Variants in USP48 observed in about 807,000 individuals in gnomAD.
USP48 encodes ubiquitin carboxyl-terminal hydrolase 48.
Under a neutral mutation model 150.7 loss-of-function variants are expected in USP48, and 43 were observed. That is an observed-to-expected ratio of 0.29 (90% CI 0.22 to 0.37). The LOEUF (loss-of-function observed/expected upper bound fraction) is 0.37, where lower values mean the gene tolerates loss of function less well. USP48 is among the 10% of genes least tolerant of loss of function. The pLI is 1.00. For missense variants in USP48, 813 were observed against 1,249.6 expected (o/e 0.65, Z 5.27); for synonymous variants, 396 against 425.9 (o/e 0.93, Z 0.86).
intron 25 of USP48, among the ~76,000 whole-genome samples, chr1:21,683,498 C>A (rs2097572353): frequency 6.6e-6 from 1 of 152,132 alleles, no homozygotes; most frequent in African/African-American, 2.4e-5. Flanking sequence ...AATCCACCCA[C>A]CTCAGCCTCC....
chr1:21,757,206 A>C (rs1007621077), intron 2 of USP48, among the ~76,000 whole-genome samples: 7 of 152,116 alleles, frequency 4.6e-5, no homozygotes, highest in Admixed American at 3.9e-4. Context: ...ATTTTATTAA[A>C]ATATCTATAT....
At chr1:21,723,529 G>T (rs1209248780) in intron 12 of USP48, among the ~76,000 whole-genome samples, 2 of 144,482 alleles carry the variant, frequency 1.4e-5, no homozygotes, top group Middle Eastern at 3.2e-3. Context: ...AAAAAAAAAA[G>T]AAGTCACCAT....
chr1:21,705,683 A>G (rs1032852753), intron 19 of USP48, 44 bp downstream of exon 19: 2 of 1,393,918 alleles, frequency 1.4e-6, no homozygotes, highest in African/African-American at 2.9e-5. Context: ...ATCATCAAAA[A>G]GAGAAAAGAA....
intron 25 of USP48, among the ~76,000 whole-genome samples, chr1:21,681,698 G>A (rs1278602207): frequency 6.6e-6 from 1 of 152,194 alleles, no homozygotes; most frequent in East Asian, 1.9e-4. Flanking sequence ...CCAGTCTCCA[G>A]CGCTGGCATT....
chr1:21,783,105 C>T lies in USP48; in HGVS notation c.-148G>A. ...TGGCCAGTCAATCACCTGTGCGCGC[C>T]ACTGCCGCCGCGCCCGCCCGCGCCC... On this transcript the variant is annotated 5_prime_UTR_variant, in exon 1 of 27. Transcript: ENST00000308271. 8.2e-7 allele frequency: 1 copy of T among 1,216,980 alleles called. No homozygotes were observed. The highest frequency in any genetic ancestry group is 1.1e-6 in the Non-Finnish European group (1 of 944,098). The allele number at this position is 1,216,980 out of a possible 1,614,324, so 75.4% of individuals were successfully genotyped here. A position where few individuals can be genotyped will look rare whatever the true frequency, so the allele number is the denominator to read the frequency against.
chr1:21,696,049 A>G (rs1291517989), intron 22 of USP48, among the ~76,000 whole-genome samples: 1 of 152,200 alleles, frequency 6.6e-6, no homozygotes, highest in East Asian at 1.9e-4. Flanking sequence ...TAGGGGATAT[A>G]TAAATAAATT....
chr1:21,683,719 T>C (rs1439655558), intron 25 of USP48, among the ~76,000 whole-genome samples: 3 of 152,222 alleles, frequency 2.0e-5, no homozygotes, highest in African/African-American at 7.2e-5. Context: ...ATCACCCTAC[T>C]GTACTACTGA....
chr1:21,729,453 G>A (rs753700079), intron 10 of USP48, among the ~76,000 whole-genome samples: 5 of 151,926 alleles, frequency 3.3e-5, no homozygotes, highest in Non-Finnish European at 5.9e-5. Flanking sequence ...TCTATAAACC[G>A]AACAAAATAA....
rs1031461606 is a variant in USP48, at chr1:21,738,461, A to G, written c.992-1836T>C. 1.3e-5 allele frequency among the ~76,000 whole-genome samples: 2 copies of G among 149,972 alleles called. 1 individual carries two copies. Among genetic ancestry groups the G allele is most frequent in the South Asian group, 4.2e-4 (2 of 4,768 alleles). ...ACCTCCGCCCCCCTGGGGTCATGCG[A>G]TTCTCTTGCCTCAACCTCCCAAGTA... On this transcript the variant is annotated intron_variant, in intron 8 of 26. Coordinates refer to ENST00000308271, the MANE Select transcript of USP48 (RefSeq NM_032236.8).
intron 25 of USP48, among the ~76,000 whole-genome samples, chr1:21,684,313 T>C (rs893534092): frequency 1.3e-5 from 2 of 152,220 alleles, no homozygotes; most frequent in African/African-American, 2.4e-5. Flanking sequence ...TTTTTGATAA[T>C]AGCCATGCTA....
chr1:21,767,886 C>G (rs897091913), intron 1 of USP48, among the ~76,000 whole-genome samples: 4 of 152,070 alleles, frequency 2.6e-5, no homozygotes, highest in African/African-American at 7.2e-5. Context: ...ATCAAGGTCT[C>G]ATAAATTAGA....
intron 1 of USP48, among the ~76,000 whole-genome samples, chr1:21,767,545 G>A (rs1012520789): frequency 6.6e-6 from 1 of 151,656 alleles, no homozygotes; most frequent in African/African-American, 2.4e-5. Context: ...GGCTGGTCTC[G>A]ATCTCCTAAC....
intron 1 of USP48, among the ~76,000 whole-genome samples, chr1:21,767,707 A>G (rs1389366411): frequency 6.6e-6 from 1 of 151,978 alleles, no homozygotes; most frequent in Non-Finnish European, 1.5e-5. Context: ...GTTTTTAAAG[A>G]AAAATTTTTT....
chr1:21,721,195 A>G (rs201028468), intron 13 of USP48, 29 bp from the exon 14 acceptor site: 32 of 1,611,536 alleles, frequency 2.0e-5, no homozygotes, highest in Non-Finnish European at 2.3e-5. Context: ...GTTAAATCAT[A>G]TAAGTAATAT....
chr1:21,742,458 C>T (rs1000961373), intron 8 of USP48, among the ~76,000 whole-genome samples: 1 of 151,442 alleles, frequency 6.6e-6, no homozygotes, highest in Non-Finnish European at 1.5e-5. Context: ...GCATGAGAAT[C>T]GCTTGAACCT....
chr1:21,685,037 T>C (rs888481579), intron 25 of USP48, among the ~76,000 whole-genome samples: 5 of 152,220 alleles, frequency 3.3e-5, no homozygotes, highest in African/African-American at 9.6e-5. Context: ...TGTGGTTCCA[T>C]ATGAATTTTA....
chr1:21,719,333 C>T (rs2097713381), intron 14 of USP48, among the ~76,000 whole-genome samples: 2 of 151,348 alleles, frequency 1.3e-5, no homozygotes, highest in Non-Finnish European at 2.9e-5. Flanking sequence ...AGTAAAAACT[C>T]TTCAAGTTTG....
At chr1:21,697,523 CTTG>C (rs1263761337) in intron 22 of USP48, among the ~76,000 whole-genome samples, 1 of 151,790 alleles carries the variant, frequency 6.6e-6, no homozygotes, top group Non-Finnish European at 1.5e-5. Context: ...ATTAGCCGGG[CTTG>C]GTGGTGGGCG....
intron 15 of USP48, among the ~76,000 whole-genome samples, chr1:21,712,098 C>T (rs2097691753): frequency 6.6e-6 from 1 of 152,200 alleles, no homozygotes; most frequent in African/African-American, 2.4e-5. Flanking sequence ...ATGGCTGACG[C>T]CTGTAATCCC....
Sources: allele counts gnomAD v4.1 joint callset (sites outside exome capture counted in the v4.1 genomes callset), GRCh38; gene constraint gnomAD v4.1.1; transcripts MANE v1.5; gene names NCBI Gene and HGNC (gene_info 2026-07-23, HGNC 2026-07-21).